Variants in FBXW8 observed in about 807,000 individuals in gnomAD.
The protein encoded by FBXW8 is F-box and WD repeat domain containing 8, also known as F-box/WD repeat-containing protein 8.
A neutral mutation model predicts 65.3 loss-of-function variants in FBXW8; 57 were observed. The ratio of observed to expected loss-of-function variants is 0.87; its 90% CI spans 0.71 to 1.09. The LOEUF (loss-of-function observed/expected upper bound fraction) is 1.09. Ranked by LOEUF, FBXW8 falls within the 50% of genes least tolerant of loss-of-function variation. The probability of loss-of-function intolerance (pLI) is 0.00; values close to 1 mark genes in which losing one functional copy is unlikely to be tolerated. For synonymous variants in FBXW8, 308 were observed against 330.2 expected (o/e 0.93, Z 0.73); for missense variants, 777 against 814.8 (o/e 0.95, Z 0.57).
intron 5 of FBXW8, among the ~76,000 whole-genome samples, chr12:116,973,751 C>G (rs1345765486): frequency 6.6e-6 from 1 of 152,158 alleles, no homozygotes; most frequent in African/African-American, 2.4e-5. Flanking sequence ...AGTGTGTCAT[C>G]CTGGCTTGGG....
intron 6 of FBXW8, among the ~76,000 whole-genome samples, chr12:116,988,031 A>C (rs1953137204): frequency 6.6e-6 from 1 of 152,166 alleles, no homozygotes; most frequent in Admixed American, 6.5e-5. Flanking sequence ...GAACGTTTTC[A>C]TGCTTCCCTC....
intron 4 of FBXW8, among the ~76,000 whole-genome samples, chr12:116,956,306 G>T (rs1883644842): frequency 6.6e-6 from 1 of 152,046 alleles, no homozygotes; most frequent in South Asian, 2.1e-4. Context: ...CAAACCATTA[G>T]CGCTCTTCTT....
chr12:117,024,074 G>A (rs980464563), intron 8 of FBXW8, 73 bp from the exon 9 acceptor site: 1 of 1,519,658 alleles, frequency 6.6e-7, no homozygotes, highest in Admixed American at 1.7e-5. Flanking sequence ...CAGCACCGTG[G>A]AGGGGGAGTT....
At chr12:116,929,230 A>AT in intron 2 of FBXW8, among the ~76,000 whole-genome samples, 1 of 151,598 alleles carries the variant, frequency 6.6e-6, no homozygotes, top group East Asian at 2.0e-4. Context: ...AGAGTGTGTG[A>AT]TTGATTTTTC....
intron 2 of FBXW8, among the ~76,000 whole-genome samples, chr12:116,937,260 G>A (rs1882231510): frequency 6.6e-6 from 1 of 152,304 alleles, no homozygotes; most frequent in African/African-American, 2.4e-5. Flanking sequence ...TGAGCTCTTC[G>A]TTGAGCTCTG....
At chr12:116,918,393 T>C (rs769972429) in intron 1 of FBXW8, among the ~76,000 whole-genome samples, 5 of 152,172 alleles carry the variant, frequency 3.3e-5, no homozygotes, top group Non-Finnish European at 5.9e-5. Flanking sequence ...CCAAACTGGC[T>C]TAAAAACCCA....
At chr12:116,988,334 G>C (rs1431172656) in intron 6 of FBXW8, among the ~76,000 whole-genome samples, 1 of 152,212 alleles carries the variant, frequency 6.6e-6, no homozygotes. Context: ...GTGGGATCCA[G>C]AAACATGGAA....
At chr12:117,003,355 T>C (rs1282664822) in intron 7 of FBXW8, among the ~76,000 whole-genome samples, 1 of 152,226 alleles carries the variant, frequency 6.6e-6, no homozygotes, top group African/African-American at 2.4e-5. Context: ...TTCCAGACAG[T>C]GCGGGGGGCG....
rs71099026 is a variant in FBXW8, at chr12:116,993,098, CT to C, written c.1239+4252del. ...CATACCAACATCTATTGATTTTTGA[CT>C]TTTTTTTTTTTTTTTTTTTTTTGAG... On this transcript the variant is annotated intron_variant, in intron 7 of 10. Coordinates refer to ENST00000652555, the MANE Select transcript of FBXW8 (RefSeq NM_153348.3). 1.9e-3 allele frequency among the ~76,000 whole-genome samples: 165 copies of C among 85,396 alleles called. 1 individual carries two copies. The highest frequency in any genetic ancestry group is 0.019 in the East Asian group (48 of 2,572). The allele number at this position is 85,396 out of a possible 152,430, so 56.0% of individuals were successfully genotyped here. A position where few individuals can be genotyped will look rare whatever the true frequency, so the allele number is the denominator to read the frequency against.
At chr12:117,014,066 A>AT (rs1239137012) in intron 8 of FBXW8, among the ~76,000 whole-genome samples, 1 of 152,174 alleles carries the variant, frequency 6.6e-6, no homozygotes, top group Non-Finnish European at 1.5e-5. Context: ...TAATGTAAAT[A>AT]TTAAACCTTG....
chr12:116,973,713 A>G (rs1027625366), intron 5 of FBXW8, among the ~76,000 whole-genome samples: 6 of 152,208 alleles, frequency 3.9e-5, no homozygotes, highest in Non-Finnish European at 5.9e-5. Flanking sequence ...CCAGGTGGAA[A>G]GAGAAGAGAG....
In FBXW8 at chr12:116,961,303, T is replaced by C. The variant is rs1883972425; in HGVS notation, c.678-3394T>C. ...CATGAGCCACCGTGCCCGGCCTGTA[T>C]CTGCACTTTTTAAAGCATTCCAGGC... is the stretch of plus-strand genomic sequence containing the variant. On this transcript the variant is annotated intron_variant, in intron 4 of 10. Coordinates refer to ENST00000652555, the MANE Select transcript of FBXW8 (RefSeq NM_153348.3). The surrounding 1 kb of genome is among the most constrained non-coding windows in gnomAD (Gnocchi z 4.4). Among the ~76,000 whole-genome samples the C allele has an allele frequency of 6.6e-6, 1 of 152,148 alleles. No individual in the cohort carries two copies.
chr12:116,938,995 G>C (rs988642815), intron 2 of FBXW8, among the ~76,000 whole-genome samples: 4 of 152,222 alleles, frequency 2.6e-5, no homozygotes, highest in Non-Finnish European at 4.4e-5. Context: ...GATGAGAACT[G>C]TGGGCCTGAG....
At position 117,024,015 on chromosome 12, in the gene FBXW8, A is replaced by ATGTT. The variant is rs1251210476; in HGVS notation, c.1368-125_1368-122dup. On this transcript the variant is annotated intron_variant, in intron 8 of 10. Coordinates refer to ENST00000652555, the MANE Select transcript of FBXW8 (RefSeq NM_153348.3). The stretch of plus-strand genomic sequence containing the variant: ...TCTGTGCTTGATGTCCTTATTATCG[A>ATGTT]TGTTTGTTTGCAGCTGAGGAGTTTT... The ATGTT allele has an allele frequency of 4.7e-6, 4 of 842,516 alleles. No individual in the cohort carries two copies. In the African/African-American group the frequency reaches 5.1e-5, roughly 11 times the overall value. The allele number at this position is 842,516 out of a possible 1,614,324, so 52.2% of individuals were successfully genotyped here. A position where few individuals can be genotyped will look rare whatever the true frequency, so the allele number is the denominator to read the frequency against.
chr12:117,018,606 A>AGCTT (rs10641949), intron 8 of FBXW8, among the ~76,000 whole-genome samples: 49,948 of 151,968 alleles, frequency 0.33, 8,681 homozygotes, highest in African/African-American at 0.44. Context: ...TGTCGACGAG[A>AGCTT]AGCCAGAGTG....
chr12:116,948,822 A>G (rs1429950695), intron 3 of FBXW8: 4 of 152,314 alleles, frequency 2.6e-5, no homozygotes, highest in East Asian at 1.9e-4. Context: ...TGTTGCAATC[A>G]TAACTCACTG....
intron 8 of FBXW8, among the ~76,000 whole-genome samples, chr12:117,013,330 T>C (rs1017354806): frequency 1.9e-4 from 29 of 152,130 alleles, no homozygotes; most frequent in African/African-American, 7.0e-4. Context: ...AATGTTAGAG[T>C]ATGCTTTTCC....
intron 7 of FBXW8, among the ~76,000 whole-genome samples, chr12:117,005,241 T>G (rs1953646848): frequency 1.3e-5 from 2 of 152,132 alleles, no homozygotes. Flanking sequence ...ATCTTTGGGG[T>G]CTGAGACTAT....
At chr12:117,004,617 C>A (rs935672433) in intron 7 of FBXW8, among the ~76,000 whole-genome samples, 1 of 152,236 alleles carries the variant, frequency 6.6e-6, no homozygotes, top group African/African-American at 2.4e-5. Flanking sequence ...AGACTGTTTT[C>A]CACCCCGAAC....
Sources: allele counts gnomAD v4.1 joint callset (sites outside exome capture counted in the v4.1 genomes callset), GRCh38; gene constraint gnomAD v4.1.1; non-coding constraint Gnocchi (gnomAD v3.1); transcripts MANE v1.5; gene names NCBI Gene and HGNC (gene_info 2026-07-23, HGNC 2026-07-21).